The following TBCK variants were observed in gnomAD, a reference collection of about 807,000 sequenced individuals.
TBCK encodes the protein TBC1 domain containing kinase.
In TBCK, 99 loss-of-function variants were observed where a neutral mutation model predicts 113.4. The observed-to-expected ratio is 0.87, with a 90% CI of 0.74 to 1.03. The LOEUF is 1.03. Among genes scored for constraint, TBCK ranks in the 50% least tolerant of loss-of-function variants. TBCK has a pLI of 0.00. For synonymous variants in TBCK, 369 were observed against 370.8 expected (o/e 1.00, Z 0.05); for missense variants, 1,045 against 1,061.3 (o/e 0.98, Z 0.21).
At chr4:106,116,979 C>A (rs192842105) in intron 23 of TBCK, among the ~76,000 whole-genome samples, 1 of 152,020 alleles carries the variant, frequency 6.6e-6, no homozygotes, top group Non-Finnish European at 1.5e-5. Flanking sequence ...ATCATCCCCC[C>A]CCCATCTCAA....
At chr4:106,281,362 A>C (rs1005718035) in intron 3 of TBCK, among the ~76,000 whole-genome samples, 5 of 151,984 alleles carry the variant, frequency 3.3e-5, no homozygotes, top group African/African-American at 1.2e-4. Context: ...TTATCTGTTA[A>C]CAAGGATAAT....
At chr4:106,180,090 A>G (rs1295421497) in intron 22 of TBCK, among the ~76,000 whole-genome samples, 1 of 151,812 alleles carries the variant, frequency 6.6e-6, no homozygotes, top group Non-Finnish European at 1.5e-5. Context: ...ATCTTCTCTC[A>G]TCCCTTCACT....
chr4:106,259,650 A>G lies in TBCK; in HGVS notation c.455+787T>C, dbSNP rs116615611. On this transcript the variant is annotated intron_variant, in intron 5 of 25. Coordinates refer to ENST00000394708, the MANE Select transcript of TBCK (RefSeq NM_001163435.3). ...ACACACATATATGCTCGGAGAAAAA[A>G]CAGAGAAAAAGCAAATGTAGTGAAA... Among the ~76,000 whole-genome samples, 860 of 152,094 alleles carry G rather than the reference A, an allele frequency of 5.7e-3. 9 individuals carry two copies. The highest frequency in any genetic ancestry group is 0.02 in the African/African-American group (841 of 41,566).
chr4:106,119,805 G>A (rs550104885), intron 23 of TBCK, among the ~76,000 whole-genome samples: 2 of 152,066 alleles, frequency 1.3e-5, no homozygotes, highest in Non-Finnish European at 2.9e-5. Context: ...GAACTCAATA[G>A]CAATAATAAA....
intron 22 of TBCK, among the ~76,000 whole-genome samples, chr4:106,192,995 T>G (rs1753823428): frequency 2.0e-5 from 3 of 152,146 alleles, no homozygotes; most frequent in Admixed American, 2.0e-4. Context: ...TAATTTCATC[T>G]TTTTACCCAT....
intron 24 of TBCK, among the ~76,000 whole-genome samples, chr4:106,104,310 C>T (rs928616026): frequency 3.9e-5 from 6 of 152,224 alleles, no homozygotes; most frequent in Non-Finnish European, 7.3e-5. Context: ...AGTGGCACTG[C>T]ACCTCCCTAA....
chr4:106,233,413 T>C (rs1759091682), intron 16 of TBCK, among the ~76,000 whole-genome samples, 175 bp downstream of exon 16: 2 of 152,040 alleles, frequency 1.3e-5, no homozygotes, highest in Admixed American at 1.3e-4. Flanking sequence ...CTAAAGTCCT[T>C]TAAGGTATTG....
At chr4:106,094,468 A>G (rs770757597) in intron 25 of TBCK, among the ~76,000 whole-genome samples, 18 of 152,154 alleles carry the variant, frequency 1.2e-4, no homozygotes, top group Non-Finnish European at 2.5e-4. Context: ...TTTTATAATA[A>G]AAGACATTTT....
At chr4:106,064,281 A>G (rs1290851046) in intron 25 of TBCK, among the ~76,000 whole-genome samples, 1 of 151,972 alleles carries the variant, frequency 6.6e-6, no homozygotes, top group African/African-American at 2.4e-5. Context: ...ATTACATGCC[A>G]CATGTAGAAA....
chr4:106,162,117 C>A (rs28848568), intron 23 of TBCK, among the ~76,000 whole-genome samples: 9,695 of 152,142 alleles, frequency 0.064, 362 homozygotes, highest in Non-Finnish European at 0.082. Context: ...GAAAAATATA[C>A]CCATTCCAAT....
intron 20 of TBCK, among the ~76,000 whole-genome samples, chr4:106,203,495 A>G (rs1755110579): frequency 6.6e-6 from 1 of 151,826 alleles, no homozygotes; most frequent in Non-Finnish European, 1.5e-5. Context: ...TTTCCTCTAT[A>G]TACCAAAGAT....
At chr4:106,228,301 G>C (rs1758463192) in intron 19 of TBCK, among the ~76,000 whole-genome samples, 1 of 149,556 alleles carries the variant, frequency 6.7e-6, no homozygotes, top group Non-Finnish European at 1.5e-5. Context: ...TAGTCACCCT[G>C]TTGTGCTAGC....
chr4:106,219,574 C>A (rs185122641), intron 19 of TBCK, among the ~76,000 whole-genome samples: 137 of 151,932 alleles, frequency 9.0e-4, no homozygotes, highest in Non-Finnish European at 1.5e-3. Flanking sequence ...TCCAAAGTTA[C>A]TATTCTTGCC....
intron 25 of TBCK, among the ~76,000 whole-genome samples, chr4:106,095,178 A>G (rs1578877458): frequency 6.6e-6 from 1 of 152,174 alleles, no homozygotes; most frequent in East Asian, 1.9e-4. Context: ...CTTGAACACT[A>G]CTGTTTTTCT....
At chr4:106,287,819 T>C (rs1016634073) in intron 3 of TBCK, among the ~76,000 whole-genome samples, 22 of 152,310 alleles carry the variant, frequency 1.4e-4, no homozygotes, top group African/African-American at 5.3e-4. Flanking sequence ...GAGGTCCAGC[T>C]GTTATCTTGA....
chr4:106,194,664 G>T, intron 21 of TBCK, 54 bp downstream of exon 21: 1 of 1,391,522 alleles, frequency 7.2e-7, no homozygotes, highest in African/African-American at 1.5e-5. Context: ...GGGAGGCATC[G>T]GGCTGTCCTT....
intron 22 of TBCK, among the ~76,000 whole-genome samples, chr4:106,172,960 G>T (rs1200793871): frequency 1.3e-5 from 2 of 152,080 alleles, no homozygotes; most frequent in African/African-American, 4.8e-5. Flanking sequence ...TTACTATAAG[G>T]TTATAAGGCA....
At chr4:106,237,500 T>C in intron 12 of TBCK, 1 of 455,962 alleles carries the variant, frequency 2.2e-6, no homozygotes, top group Non-Finnish European at 4.4e-6. Context: ...CCTGCTGCTC[T>C]GCTGTTCAAC....
At chr4:106,081,819 A>C (rs1447412402) in intron 25 of TBCK, among the ~76,000 whole-genome samples, 1 of 152,244 alleles carries the variant, frequency 6.6e-6, no homozygotes, top group African/African-American at 2.4e-5. Context: ...TCTCAAAATA[A>C]GAAATATATG....
Sources: gnomAD v4.1 joint callset for allele counts (sites outside exome capture counted in the v4.1 genomes callset) on GRCh38, gnomAD v4.1.1 for gene constraint, MANE v1.5 for transcripts, NCBI Gene and HGNC (gene_info 2026-07-23, HGNC 2026-07-21) for gene names.